The following ZNF423 variants were observed in gnomAD, a reference collection of about 807,000 sequenced individuals.
The protein encoded by ZNF423 is zinc finger protein 423, also known as Ebf-associated zinc finger protein.
A neutral mutation model predicts 95.8 loss-of-function variants in ZNF423; 12 were observed. The observed-to-expected ratio is 0.13, with a 90% confidence interval of 0.08 to 0.20. The LOEUF (loss-of-function observed/expected upper bound fraction) is 0.20. Ranked by LOEUF, ZNF423 falls within the 10% of genes least tolerant of loss-of-function variation. The pLI is 1.00. For synonymous variants in ZNF423, 749 were observed against 711.9 expected, an observed-to-expected ratio of 1.05 and a Z score of -0.83; for missense variants, 1,316 against 1,737.1, an observed-to-expected ratio of 0.76 and a Z score of 4.31.
chr16:49,515,593 A>T (rs144971970), intron 7 of ZNF423, among the ~76,000 whole-genome samples: 8 of 152,252 alleles, frequency 5.3e-5, no homozygotes, highest in African/African-American at 1.9e-4. Context: ...GCTGTACACA[A>T]TCCATGCAAA....
chr16:49,857,848 C>T (rs2035387880), upstream of ZNF423: 1 of 152,284 alleles, frequency 6.6e-6, no homozygotes, highest in Non-Finnish European at 1.5e-5. This position sits in a 1 kb window ranked among gnomAD's most constrained non-coding sequence, Gnocchi z 6.2. Flanking sequence ...CGCCGCGCGT[C>T]CCCCGCAGCT....
chr16:49,576,973 G>C (rs1448734853), intron 5 of ZNF423, among the ~76,000 whole-genome samples: 1 of 152,260 alleles, frequency 6.6e-6, no homozygotes, highest in Admixed American at 6.5e-5. Context: ...AGAGGGCACA[G>C]ATGAGAAGAC....
At chr16:49,644,571 G>A (rs1367192990) in intron 3 of ZNF423, among the ~76,000 whole-genome samples, 5 of 149,042 alleles carry the variant, frequency 3.4e-5, no homozygotes, top group Non-Finnish European at 7.4e-5. Context: ...GCCGAGGCAG[G>A]AGGATCACCT....
intron 3 of ZNF423, among the ~76,000 whole-genome samples, chr16:49,651,241 G>A (rs2151904086): frequency 6.6e-6 from 1 of 151,556 alleles, no homozygotes; most frequent in Non-Finnish European, 1.5e-5. Flanking sequence ...GCACAGGCTG[G>A]TCTCAAACTC....
chr16:49,556,085 G>A lies in ZNF423; in HGVS notation c.3602-30591C>T, dbSNP rs548163273. On this transcript the variant is annotated intron_variant, in intron 5 of 7. Transcript: ENST00000563137. ...AATTATTTCCACTCAACCCATCAAA[G>A]GGCTGAGTTTTCAAGCCCACAAGAT... is the stretch of plus-strand genomic sequence containing the variant. Among the ~76,000 whole-genome samples, 3 of 152,268 alleles carry A rather than the reference G, an allele frequency of 2.0e-5. No homozygotes were observed. In the East Asian group the frequency reaches 5.8e-4, roughly 29 times the overall value.
intron 3 of ZNF423, among the ~76,000 whole-genome samples, chr16:49,661,578 A>G (rs776988676): frequency 1.5e-4 from 23 of 152,208 alleles, no homozygotes; most frequent in Non-Finnish European, 3.2e-4. Context: ...TCTCTGTCCA[A>G]TGGACCAACA....
chr16:49,712,225 T>TG (rs1201503388), intron 3 of ZNF423, among the ~76,000 whole-genome samples: 3 of 152,224 alleles, frequency 2.0e-5, no homozygotes, highest in African/African-American at 7.2e-5. Flanking sequence ...GCTCCTCACT[T>TG]GGAGGCAAAG....
Position 49,658,852 on chromosome 16 carries a change from C to A in ZNF423, c.302-19978G>T, listed in dbSNP as rs191840139. Among the ~76,000 whole-genome samples, 1,056 of 152,324 alleles carry A rather than the reference C, an allele frequency of 6.9e-3. 27 individuals are homozygous for A. Among genetic ancestry groups the A allele is most frequent in the Admixed American group, 0.043 (651 of 15,302 alleles). On this transcript the variant is annotated intron_variant, in intron 3 of 7. Coordinates refer to ENST00000563137, the MANE Select transcript of ZNF423 (RefSeq NM_001379286.1). Reference sequence around the variant, plus strand: ...AGCATCGCTGACTCTTTCCTTGGAACCCCCGCCCCAGCACCCTGCCTGTCC... The same window carrying A: ...AGCATCGCTGACTCTTTCCTTGGAAACCCCGCCCCAGCACCCTGCCTGTCC...
At chr16:49,605,107 G>A (rs1971496185) in intron 5 of ZNF423, among the ~76,000 whole-genome samples, 1 of 152,070 alleles carries the variant, frequency 6.6e-6, no homozygotes, top group African/African-American at 2.4e-5. Context: ...CCCTGGGTCT[G>A]GGCCACTGGG....
At chr16:49,575,007 C>G (rs919523127) in intron 5 of ZNF423, among the ~76,000 whole-genome samples, 2 of 152,154 alleles carry the variant, frequency 1.3e-5, no homozygotes, top group African/African-American at 2.4e-5. Context: ...GCCCATGGAG[C>G]CCCTCCTGCC....
chr16:49,741,050 G>A (rs2033404271), intron 2 of ZNF423, among the ~76,000 whole-genome samples: 1 of 152,138 alleles, frequency 6.6e-6, no homozygotes, highest in Non-Finnish European at 1.5e-5. Context: ...CGAGTGGAGA[G>A]AAGCTCTCAA....
chr16:49,693,343 G>A (rs914763923), intron 3 of ZNF423, among the ~76,000 whole-genome samples: 2 of 152,180 alleles, frequency 1.3e-5, no homozygotes, highest in African/African-American at 4.8e-5. Flanking sequence ...GAGGCTAAGA[G>A]AATTAAGTTA....
At chr16:49,838,932 G>C (rs996788300) in intron 1 of ZNF423, among the ~76,000 whole-genome samples, 1 of 151,902 alleles carries the variant, frequency 6.6e-6, no homozygotes, top group Non-Finnish European at 1.5e-5. Flanking sequence ...GCCCCCGCGG[G>C]CCGGGCAGAC....
intron 2 of ZNF423, among the ~76,000 whole-genome samples, chr16:49,755,012 C>CGGCTAT (rs1168385691): frequency 6.6e-6 from 1 of 152,208 alleles, no homozygotes; most frequent in Non-Finnish European, 1.5e-5. Flanking sequence ...TCCGCCGGTG[C>CGGCTAT]GGCTATCTTC....
intron 2 of ZNF423, among the ~76,000 whole-genome samples, chr16:49,759,535 A>G (rs1275278784): frequency 1.3e-5 from 2 of 152,108 alleles, no homozygotes; most frequent in African/African-American, 2.4e-5. Context: ...CTAACAGACA[A>G]CCCTGGCGGG....
chr16:49,819,020 G>A (rs1216149341), intron 1 of ZNF423, among the ~76,000 whole-genome samples: 2 of 152,122 alleles, frequency 1.3e-5, no homozygotes, highest in African/African-American at 2.4e-5. Context: ...TTGGGAGGCT[G>A]AGGCCGGTGG....
chr16:49,811,447 C>A (rs2034751520), intron 1 of ZNF423, among the ~76,000 whole-genome samples: 1 of 152,170 alleles, frequency 6.6e-6, no homozygotes, highest in Non-Finnish European at 1.5e-5. Context: ...CCCACGCTGC[C>A]ACCCAGAGTG....
intron 2 of ZNF423, among the ~76,000 whole-genome samples, chr16:49,753,648 AAAAGC>A (rs1388273572): frequency 4.6e-5 from 7 of 152,022 alleles, no homozygotes; most frequent in Non-Finnish European, 8.8e-5. Flanking sequence ...GGAACTGTTG[AAAAGC>A]AAAGAGGCAG....
intron 3 of ZNF423, among the ~76,000 whole-genome samples, chr16:49,688,202 C>T (rs2031643950): frequency 6.6e-6 from 1 of 151,960 alleles, no homozygotes; most frequent in Non-Finnish European, 1.5e-5. Flanking sequence ...AAAAGGATTG[C>T]CCAGGGACCG....
Sources: gnomAD v4.1 joint callset for allele counts (sites outside exome capture counted in the v4.1 genomes callset) on GRCh38, gnomAD v4.1.1 for gene constraint, Gnocchi (gnomAD v3.1) non-coding constraint, MANE v1.5 for transcripts, NCBI Gene and HGNC (gene_info 2026-07-23, HGNC 2026-07-21) for gene names.